The following THRB variants were observed in gnomAD, a reference collection of about 807,000 sequenced individuals.
THRB encodes thyroid hormone receptor beta.
Under a neutral mutation model 47.8 loss-of-function variants are expected in THRB, and 12 were observed. The observed-to-expected ratio is 0.25, with a 90% CI of 0.16 to 0.41. THRB has a LOEUF of 0.41. THRB is among the 10% of genes least tolerant of loss of function. THRB has a pLI of 1.00. For synonymous variants in THRB, 218 were observed against 212.2 expected (o/e 1.03, Z -0.24); for missense variants, 348 against 589.2 (o/e 0.59, Z 4.24).
chr3:24,369,076 A>C (rs1301507633), intron 1 of THRB, among the ~76,000 whole-genome samples: 1 of 152,144 alleles, frequency 6.6e-6, no homozygotes, highest in Non-Finnish European at 1.5e-5. Flanking sequence ...TATGTTGCCC[A>C]GGCTGGTCTC....
intron 1 of THRB, among the ~76,000 whole-genome samples, chr3:24,439,573 C>A (rs2071328534): frequency 6.6e-6 from 1 of 152,200 alleles, no homozygotes; most frequent in African/African-American, 2.4e-5. Context: ...TGTGACAACA[C>A]ACGCAAAAGA....
chr3:24,295,761 G>A (rs1186331960), intron 3 of THRB, among the ~76,000 whole-genome samples: 1 of 152,156 alleles, frequency 6.6e-6, no homozygotes, highest in Admixed American at 6.5e-5. Context: ...GGCCAACTAT[G>A]TATGAATCCT....
chr3:24,494,720 T>A lies in THRB; in HGVS notation c.-329A>T, dbSNP rs1007788723. On this transcript the variant is annotated 5_prime_UTR_variant, in exon 1 of 11. Coordinates refer to ENST00000646209, the MANE Select transcript of THRB (RefSeq NM_001354712.2). ...TGGAGCCGGTTGGGTTGAGCGCCCC[T>A]GCCCGGGGAAGGTAGCCTGCGGGCT... 4 of 151,952 alleles carry A rather than the reference T, an allele frequency of 2.6e-5. No individual in the cohort carries two copies. The highest frequency in any genetic ancestry group is 9.7e-5 in the African/African-American group (4 of 41,308). The allele number at this position is 151,952 out of a possible 1,614,324, so 9.4% of individuals were successfully genotyped here. A position where few individuals can be genotyped will look rare whatever the true frequency, so the allele number is the denominator to read the frequency against.
chr3:24,392,527 T>C (rs1410222888), intron 1 of THRB, among the ~76,000 whole-genome samples: 5 of 152,142 alleles, frequency 3.3e-5, no homozygotes, highest in African/African-American at 1.2e-4. Flanking sequence ...AGTAAAACTA[T>C]GGACTTCACC....
intron 2 of THRB, among the ~76,000 whole-genome samples, chr3:24,336,705 G>C (rs191389542): frequency 6.6e-6 from 1 of 150,528 alleles, no homozygotes; most frequent in Non-Finnish European, 1.5e-5. Context: ...GAACCAATGG[G>C]TTATCTAATT....
chr3:24,349,668 C>G (rs2149525583), intron 1 of THRB, among the ~76,000 whole-genome samples: 1 of 152,120 alleles, frequency 6.6e-6, no homozygotes, highest in East Asian at 1.9e-4. Flanking sequence ...TTGTACCTCA[C>G]TTCACATGAT....
chr3:24,407,967 A>C (rs778577251), intron 1 of THRB, among the ~76,000 whole-genome samples: 5 of 151,922 alleles, frequency 3.3e-5, no homozygotes, highest in Non-Finnish European at 7.4e-5. Context: ...CGTATGAATG[A>C]GGTCCATCTT....
intron 1 of THRB, among the ~76,000 whole-genome samples, chr3:24,378,554 T>A (rs1477667360): frequency 6.6e-6 from 1 of 152,126 alleles, no homozygotes; most frequent in East Asian, 1.9e-4. Context: ...TAGTGACCTA[T>A]AAAAACACTG....
intron 3 of THRB, among the ~76,000 whole-genome samples, chr3:24,280,348 G>A (rs1371058817): frequency 6.6e-6 from 1 of 152,082 alleles, no homozygotes; most frequent in Non-Finnish European, 1.5e-5. Context: ...ACATGGCCAG[G>A]TACTCCAACA....
chr3:24,415,491 T>C (rs1363162320), intron 1 of THRB, among the ~76,000 whole-genome samples: 1 of 151,872 alleles, frequency 6.6e-6, no homozygotes, highest in Non-Finnish European at 1.5e-5. Flanking sequence ...TCAAGTTAAC[T>C]GTTTCTGCCT....
At chr3:24,366,473 C>T (rs1215320705) in intron 1 of THRB, among the ~76,000 whole-genome samples, 7 of 152,142 alleles carry the variant, frequency 4.6e-5, no homozygotes, top group African/African-American at 1.7e-4. Flanking sequence ...ATGTCTTTGC[C>T]CATCAACCTA....
intron 1 of THRB, among the ~76,000 whole-genome samples, chr3:24,481,227 CTGTT>C (rs1362873162): frequency 2.0e-5 from 1 of 49,940 alleles, no homozygotes; most frequent in African/African-American, 9.6e-5. Context: ...GCGTTTCTTT[CTGTT>C]TTTTTTTTTT....
intron 5 of THRB, among the ~76,000 whole-genome samples, chr3:24,154,196 T>A (rs1394013083): frequency 6.6e-6 from 1 of 152,214 alleles, no homozygotes. Flanking sequence ...AAACCATGAT[T>A]CATCTGTTGA....
At chr3:24,330,102 G>C (rs886324227) in intron 2 of THRB, among the ~76,000 whole-genome samples, 11 of 151,934 alleles carry the variant, frequency 7.2e-5, no homozygotes, top group Non-Finnish European at 1.5e-4. Flanking sequence ...TCAGGAGATC[G>C]AGACCATCCT....
intron 3 of THRB, among the ~76,000 whole-genome samples, chr3:24,248,222 C>A (rs1477892076): frequency 3.3e-5 from 5 of 151,994 alleles, no homozygotes; most frequent in Non-Finnish European, 7.4e-5. Context: ...GGAGTATATA[C>A]AAATGAACTG....
chr3:24,333,689 T>C (rs568384305), intron 2 of THRB, among the ~76,000 whole-genome samples: 4 of 152,362 alleles, frequency 2.6e-5, no homozygotes, highest in African/African-American at 7.2e-5. Flanking sequence ...TAAAGTGTTC[T>C]TTTTCACGTA....
At chr3:24,143,451 T>G (rs1279742356) in intron 8 of THRB, 50 bp downstream of exon 8, 1 of 1,559,888 alleles carries the variant, frequency 6.4e-7, no homozygotes, top group Non-Finnish European at 8.8e-7. Flanking sequence ...TAAATTGAGG[T>G]AGAAAACACT....
intron 1 of THRB, among the ~76,000 whole-genome samples, chr3:24,444,859 C>G (rs937872553): frequency 1.3e-5 from 2 of 152,176 alleles, no homozygotes; most frequent in Non-Finnish European, 2.9e-5. Context: ...GCTGGGATTA[C>G]AGGCATGAGG....
In THRB at chr3:24,219,517, A is replaced by G. The variant is rs141344118; in HGVS notation, c.22+9421T>C. Reference sequence around the variant, plus strand: ...ATGCTGATGTTCACTGGTCAAATGCATGGTTTCAGGAACCATGAGTTTGTC... The same window carrying G: ...ATGCTGATGTTCACTGGTCAAATGCGTGGTTTCAGGAACCATGAGTTTGTC... On this transcript the variant is annotated intron_variant, in intron 4 of 10. Coordinates refer to ENST00000646209, the MANE Select transcript of THRB (RefSeq NM_001354712.2). Among the ~76,000 whole-genome samples, 9 of 152,324 alleles carry G rather than the reference A, an allele frequency of 5.9e-5. No homozygotes were observed. In the East Asian group the frequency reaches 1.7e-3, roughly 29 times the overall value.
Sources: gnomAD v4.1 joint callset for allele counts (sites outside exome capture counted in the v4.1 genomes callset) on GRCh38, gnomAD v4.1.1 for gene constraint, MANE v1.5 for transcripts, NCBI Gene and HGNC (gene_info 2026-07-23, HGNC 2026-07-21) for gene names.